The following DOCK7 variants were observed in gnomAD, a reference collection of about 807,000 sequenced individuals.
DOCK7 encodes the protein dedicator of cytokinesis protein 7.
In DOCK7, 138 loss-of-function variants were observed where a neutral mutation model predicts 271.0. That is an observed-to-expected ratio of 0.51 (90% CI 0.44 to 0.59). The LOEUF is 0.59. Ranked by LOEUF, DOCK7 falls within the 20% of genes least tolerant of loss-of-function variation. The probability of loss-of-function intolerance (pLI) is 0.00; values close to 1 mark genes in which losing one functional copy is unlikely to be tolerated. For missense variants in DOCK7, 2,066 were observed against 2,592.4 expected (o/e 0.80, Z 4.41); for synonymous variants, 823 against 876.1 (o/e 0.94, Z 1.07).
In DOCK7 at chr1:62,474,069, T is replaced by A. The variant is rs780415882; in HGVS notation, c.6125A>T (p.Gln2042Leu). Residue 2042 changes from glutamine (Q) to leucine (L), a missense_variant, in exon 48 of 50, where the codon CAG (glutamine) becomes CTG (leucine). Around this residue, in one of 2 missense-constraint regions of DOCK7, gnomAD observed 652 missense variants for 922.1 expected, o/e 0.71. Transcript: ENST00000635253. ...TVNQGPLEVAQVFLSEIPSDP... is the reference protein window; with the variant it reads ...TVNQGPLEVALVFLSEIPSDP... ...ACTAGGTATTTCAGACAGAAAAACCTGGGCAACTTCCAAAGGCCCCTGCAA... is the reference window on the plus strand; with the variant it reads ...ACTAGGTATTTCAGACAGAAAAACCAGGGCAACTTCCAAAGGCCCCTGCAA... The A allele has an allele frequency of 6.2e-7, 1 of 1,613,898 alleles. No homozygotes were observed. The highest frequency in any genetic ancestry group is 8.5e-7 in the Non-Finnish European group (1 of 1,179,898).
At position 62,633,334 on chromosome 1, in the gene DOCK7, T is replaced by C. The variant is rs1256848968; in HGVS notation, c.1116+164A>G. Among the ~76,000 whole-genome samples the C allele has an allele frequency of 4.6e-5, 7 of 152,204 alleles. No homozygotes were observed. The East Asian group carries it at 1.2e-3, about 25-fold the overall frequency. On this transcript the variant is annotated intron_variant, in intron 10 of 49. Coordinates refer to ENST00000635253, the MANE Select transcript of DOCK7 (RefSeq NM_001367561.1). Reference sequence around the variant, plus strand: ...ATAAAGAAGAAAGGAAGATAGGAAGTGGGCAAACAGAAAAAAATATAGTAC... The same window carrying C: ...ATAAAGAAGAAAGGAAGATAGGAAGCGGGCAAACAGAAAAAAATATAGTAC...
At chr1:62,663,278 A>G (rs1441298784) in intron 1 of DOCK7, 148 bp from the exon 2 acceptor site, 1 of 625,868 alleles carries the variant, frequency 1.6e-6, no homozygotes, top group Non-Finnish European at 2.8e-6. Flanking sequence ...TTCGTAAAAT[A>G]TTTTAGGAAA....
At chr1:62,664,175 A>T (rs1342676705) in intron 1 of DOCK7, among the ~76,000 whole-genome samples, 3 of 152,166 alleles carry the variant, frequency 2.0e-5, no homozygotes. Flanking sequence ...TAGAGTGGGG[A>T]CAAGAAAGGA....
chr1:62,520,707 G>T (rs147380500), intron 31 of DOCK7, among the ~76,000 whole-genome samples: 4,471 of 152,204 alleles, frequency 0.029, 154 homozygotes, highest in African/African-American at 0.08. Context: ...ATTCCTGAAG[G>T]ATCTAGAACT....
At chr1:62,636,192 C>T (rs1005124296) in intron 8 of DOCK7, among the ~76,000 whole-genome samples, 7 of 152,136 alleles carry the variant, frequency 4.6e-5, no homozygotes, top group Non-Finnish European at 7.3e-5. Context: ...GCGGAGCTTG[C>T]GCTGGTGAGA....
At chr1:62,587,551 A>G (rs1647750462) in intron 14 of DOCK7, among the ~76,000 whole-genome samples, 1 of 151,864 alleles carries the variant, frequency 6.6e-6, no homozygotes, top group Non-Finnish European at 1.5e-5. Context: ...ATTGTGTTCA[A>G]AGTAATTCAT....
In DOCK7 at chr1:62,537,907, G is replaced by T; in HGVS notation, c.3455C>A (p.Ser1152Tyr). 1 of 1,613,386 alleles carries T rather than the reference G, an allele frequency of 6.2e-7. No individual in the cohort carries two copies. The highest frequency in any genetic ancestry group is 8.5e-7 in the Non-Finnish European group (1 of 1,179,524). ...TPPASPSPSV[S>Y]SATSQSSGFS... The stretch of plus-strand genomic sequence containing the variant: ...TTTGCATACCTGAGATGTTGCAGAA[G>T]AAACAGAAGGTGATGGAGATGCAGG... Residue 1152 changes from serine to tyrosine, a missense_variant, in exon 28 of 50, where the codon TCT becomes TAT. Physicochemically the swap from Ser to Tyr is moderately radical, Grantham distance 144 (BLOSUM62 -2). Coordinates refer to ENST00000635253, the MANE Select transcript of DOCK7 (RefSeq NM_001367561.1).
At chr1:62,504,854 G>T in intron 36 of DOCK7, 72 bp from the exon 37 acceptor site, 1 of 1,525,128 alleles carries the variant, frequency 6.6e-7, no homozygotes, top group Non-Finnish European at 8.9e-7. Context: ...AATATAACCT[G>T]AACTGGAGAC....
chr1:62,646,616 C>A (rs1388902375), intron 7 of DOCK7, among the ~76,000 whole-genome samples: 2 of 152,242 alleles, frequency 1.3e-5, no homozygotes, highest in African/African-American at 4.8e-5. Context: ...CAGCAGCCAT[C>A]TGCAAGCCAG....
chr1:62,462,379 C>T (rs564213214), intron 48 of DOCK7, among the ~76,000 whole-genome samples: 14 of 152,164 alleles, frequency 9.2e-5, no homozygotes, highest in South Asian at 2.1e-4. Flanking sequence ...CTCTGCCACA[C>T]GGCAAAGCTT....
At chr1:62,516,815 C>G (rs1000595514) in intron 31 of DOCK7, 2 of 152,424 alleles carry the variant, frequency 1.3e-5, no homozygotes, top group Non-Finnish European at 2.9e-5. Flanking sequence ...CTTGCCATGT[C>G]TGCCCCTTCT....
chr1:62,614,353 T>G (rs1652181340), intron 14 of DOCK7, among the ~76,000 whole-genome samples: 1 of 152,070 alleles, frequency 6.6e-6, no homozygotes, highest in Admixed American at 6.6e-5. Flanking sequence ...AAATAAACTA[T>G]CAGTTCCTAA....
At chr1:62,654,254 GC>G (rs949143231) in intron 2 of DOCK7, 95 bp from the exon 3 acceptor site, 9 of 1,203,280 alleles carry the variant, frequency 7.5e-6, no homozygotes, top group Non-Finnish European at 1.0e-5. Context: ...TTAAATAAAA[GC>G]TTTTAATCTA....
intron 2 of DOCK7, among the ~76,000 whole-genome samples, chr1:62,654,475 T>G (rs1015719715): frequency 6.6e-6 from 1 of 152,186 alleles, no homozygotes; most frequent in African/African-American, 2.4e-5. Context: ...GAAGGATTAT[T>G]TTTGCTTTTT....
chr1:62,618,126 A>G (rs1652687520), intron 14 of DOCK7, among the ~76,000 whole-genome samples: 1 of 152,126 alleles, frequency 6.6e-6, no homozygotes, highest in Admixed American at 6.5e-5. Context: ...TATATCATTC[A>G]TAAGGAGTAC....
rs141935677 is a variant in DOCK7 at position 62,543,065 on chromosome 1, T to C, written c.2950-362A>G. On this transcript the variant is annotated intron_variant, in intron 24 of 49. Transcript: ENST00000635253. ...TTTTAAACATACGCAAATACATGCA[T>C]GAACTTTGCTGGTACAATTTAGGAA... Among the ~76,000 whole-genome samples the C allele has an allele frequency of 3.3e-5, 5 of 152,308 alleles. No individual in the cohort carries two copies. In the East Asian group the frequency reaches 9.6e-4, roughly 29 times the overall value.
At chr1:62,460,602 T>C (rs1645491573) in intron 48 of DOCK7, among the ~76,000 whole-genome samples, 1 of 52,956 alleles carries the variant, frequency 1.9e-5, no homozygotes, top group Non-Finnish European at 3.7e-5. Flanking sequence ...GCCAATGTAT[T>C]GAACACACAC....
intron 48 of DOCK7, among the ~76,000 whole-genome samples, chr1:62,468,886 G>A (rs1645753603): frequency 6.6e-6 from 1 of 151,502 alleles, no homozygotes. Context: ...ACCTCTACAA[G>A]GAAAACTACA....
chr1:62,600,233 T>C (rs1649908494), intron 14 of DOCK7, among the ~76,000 whole-genome samples: 1 of 151,792 alleles, frequency 6.6e-6, no homozygotes. Flanking sequence ...ACCAAAACAA[T>C]GAATTTCTGA....
Sources: allele counts gnomAD v4.1 joint callset (sites outside exome capture counted in the v4.1 genomes callset), GRCh38; gene constraint gnomAD v4.1.1; regional missense constraint gnomAD v4.1.1; transcripts MANE v1.5; gene names NCBI Gene and HGNC (gene_info 2026-07-23, HGNC 2026-07-21).